The following GALNT18 variants were observed in gnomAD, a reference collection of about 807,000 sequenced individuals.
The protein encoded by GALNT18 is GalNAc-transferase 18.
Under a neutral mutation model 69.5 loss-of-function variants are expected in GALNT18, and 44 were observed. That is an observed-to-expected ratio of 0.63 (90% CI 0.50 to 0.81). The LOEUF (loss-of-function observed/expected upper bound fraction) is 0.81. GALNT18 is among the 40% of genes least tolerant of loss of function. The pLI, the probability that GALNT18 is intolerant of heterozygous loss-of-function variation, is 0.00. For synonymous variants in GALNT18, 364 were observed against 318.2 expected, an observed-to-expected ratio of 1.14 and a Z score of -1.53; for missense variants, 715 against 810.0, an observed-to-expected ratio of 0.88 and a Z score of 1.42.
At chr11:11,529,574 G>A (rs1276219801) in intron 1 of GALNT18, among the ~76,000 whole-genome samples, 1 of 151,922 alleles carries the variant, frequency 6.6e-6, no homozygotes, top group Non-Finnish European at 1.5e-5. Context: ...TCAGATCTTG[G>A]GGCTTCTCCG....
At chr11:11,406,555 T>C (rs924233605) in intron 3 of GALNT18, among the ~76,000 whole-genome samples, 6 of 152,236 alleles carry the variant, frequency 3.9e-5, no homozygotes, top group African/African-American at 1.4e-4. Flanking sequence ...ATGTACTATT[T>C]CAGCCATGTT....
At chr11:11,531,297 C>T (rs2133942352) in intron 1 of GALNT18, among the ~76,000 whole-genome samples, 1 of 152,288 alleles carries the variant, frequency 6.6e-6, no homozygotes, top group African/African-American at 2.4e-5. Context: ...GGCTAGGAAC[C>T]CTGCTAGCAT....
At chr11:11,312,923 C>T (rs1466373671) in intron 9 of GALNT18, among the ~76,000 whole-genome samples, 1 of 152,190 alleles carries the variant, frequency 6.6e-6, no homozygotes, top group Non-Finnish European at 1.5e-5. Flanking sequence ...CCTGGAGGAA[C>T]TCACCATCTA....
chr11:11,312,108 C>T (rs535695677), intron 9 of GALNT18, among the ~76,000 whole-genome samples: 1 of 151,820 alleles, frequency 6.6e-6, no homozygotes, highest in East Asian at 1.9e-4. Flanking sequence ...AGGTGCCTGC[C>T]ACCATGCCTG....
intron 1 of GALNT18, among the ~76,000 whole-genome samples, chr11:11,524,484 T>C (rs1658905278): frequency 1.3e-5 from 2 of 152,198 alleles, no homozygotes; most frequent in Admixed American, 1.3e-4. Flanking sequence ...GGATATGATA[T>C]AAACTAGGCC....
intron 1 of GALNT18, among the ~76,000 whole-genome samples, chr11:11,503,853 C>T (rs112431957): frequency 0.03 from 4,593 of 152,236 alleles, 158 homozygotes; most frequent in African/African-American, 0.087. Flanking sequence ...TTTAGCACCC[C>T]CATACAGCAA....
chr11:11,467,869 C>T (rs1856184517), intron 1 of GALNT18, among the ~76,000 whole-genome samples: 1 of 152,140 alleles, frequency 6.6e-6, no homozygotes, highest in Admixed American at 6.5e-5. Context: ...ATAGTGGTTT[C>T]CAAACTTCAG....
intron 3 of GALNT18, among the ~76,000 whole-genome samples, chr11:11,418,973 C>T (rs893330353): frequency 6.6e-6 from 1 of 152,198 alleles, no homozygotes; most frequent in African/African-American, 2.4e-5. Flanking sequence ...GGGACCTACA[C>T]AGTGAACCAG....
chr11:11,618,386 G>A lies in GALNT18; in HGVS notation c.235+2973C>T, dbSNP rs1860109314. Among the ~76,000 whole-genome samples the A allele has an allele frequency of 6.6e-6, 1 of 152,220 alleles. No individual in the cohort carries two copies. Among genetic ancestry groups the A allele is most frequent in the Admixed American group, 6.5e-5 (1 of 15,286 alleles). The stretch of plus-strand genomic sequence containing the variant: ...CTTTCTGCAGAATGTGCCAGGGACT[G>A]TCCTGCATGTTCAGTAAACATTAGT... On this transcript the variant is annotated intron_variant, in intron 1 of 10. Transcript: ENST00000227756. This position sits in a 1 kb window ranked among gnomAD's most constrained non-coding sequence, Gnocchi z 6.1.
At chr11:11,408,759 C>T (rs946140191) in intron 3 of GALNT18, among the ~76,000 whole-genome samples, 11 of 152,244 alleles carry the variant, frequency 7.2e-5, no homozygotes, top group Non-Finnish European at 1.2e-4. Flanking sequence ...GTTTCCATGG[C>T]GTCTGGAGCC....
At chr11:11,548,772 G>A (rs960002900) in intron 1 of GALNT18, among the ~76,000 whole-genome samples, 2 of 152,230 alleles carry the variant, frequency 1.3e-5, no homozygotes, top group Non-Finnish European at 2.9e-5. Context: ...ATCCAAGGCA[G>A]TACATGTAAA....
Position 11,379,153 on chromosome 11 carries a change from A to T in GALNT18, c.707T>A (p.Val236Asp). The part of the protein sequence containing the change: ...SKQEGLIRSR[V>D]SGWRAATAPV... ...GGCAGTGGCCGCCCTCCAGCCACTG[A>T]CCCTGGAGCGGATGAGGCCTTCCTG... Residue 236 changes from valine (V) to aspartate (D), a missense_variant, in exon 4 of 11, where the codon GTC (valine) becomes GAC (aspartate). Val to Asp is a radical substitution (Grantham distance 152). Coordinates refer to ENST00000227756, the MANE Select transcript of GALNT18 (RefSeq NM_198516.3). The T allele has an allele frequency of 1.2e-6, 2 of 1,611,954 alleles. No homozygotes were observed. The highest frequency in any genetic ancestry group is 1.7e-6 in the Non-Finnish European group (2 of 1,179,978).
At chr11:11,293,862 C>G (rs962068752) in intron 9 of GALNT18, among the ~76,000 whole-genome samples, 1 of 152,122 alleles carries the variant, frequency 6.6e-6, no homozygotes, top group African/African-American at 2.4e-5. Flanking sequence ...TGTGCTTTGT[C>G]AGAGTAAAAA....
At chr11:11,468,456 A>G (rs1856199052) in intron 1 of GALNT18, among the ~76,000 whole-genome samples, 1 of 152,176 alleles carries the variant, frequency 6.6e-6, no homozygotes, top group Admixed American at 6.5e-5. Context: ...TCTTGTTTTA[A>G]GATTCTGAGT....
At chr11:11,312,113 T>C (rs1439697522) in intron 9 of GALNT18, among the ~76,000 whole-genome samples, 2 of 151,154 alleles carry the variant, frequency 1.3e-5, no homozygotes, top group South Asian at 2.1e-4. Context: ...CCTGCCACCA[T>C]GCCTGGCTAA....
intron 1 of GALNT18, among the ~76,000 whole-genome samples, chr11:11,545,893 C>A (rs1161484086): frequency 6.6e-5 from 10 of 152,150 alleles, no homozygotes; most frequent in Non-Finnish European, 1.5e-5. Context: ...ATCAAAATGA[C>A]AAACACTTCT....
At chr11:11,483,902 T>C (rs1341469508) in intron 1 of GALNT18, among the ~76,000 whole-genome samples, 1 of 152,144 alleles carries the variant, frequency 6.6e-6, no homozygotes, top group Non-Finnish European at 1.5e-5. Flanking sequence ...TTAATGCAGC[T>C]GTAAAAGAGA....
At chr11:11,296,000 T>C (rs1393352756) in intron 9 of GALNT18, among the ~76,000 whole-genome samples, 2 of 152,126 alleles carry the variant, frequency 1.3e-5, no homozygotes, top group Non-Finnish European at 2.9e-5. Context: ...GCTGATGTCC[T>C]GTGGCTTCTA....
intron 10 of GALNT18, among the ~76,000 whole-genome samples, chr11:11,278,436 C>T (rs1004294400): frequency 1.3e-5 from 2 of 151,554 alleles, no homozygotes; most frequent in Admixed American, 1.3e-4. Context: ...ATGGGTGCAG[C>T]AAACCACCAT....
Sources: allele counts gnomAD v4.1 joint callset (sites outside exome capture counted in the v4.1 genomes callset), GRCh38; gene constraint gnomAD v4.1.1; non-coding constraint Gnocchi (gnomAD v3.1); transcripts MANE v1.5; gene names NCBI Gene and HGNC (gene_info 2026-07-23, HGNC 2026-07-21).